SPOCK3: variants seen among roughly 807,000 people sequenced by gnomAD.
SPOCK3 encodes the protein testican-3.
A neutral mutation model predicts 56.6 loss-of-function variants in SPOCK3; 30 were observed. The observed-to-expected ratio is 0.53, with a 90% CI of 0.40 to 0.72. The LOEUF (loss-of-function observed/expected upper bound fraction) is 0.72, where lower values mean the gene tolerates loss of function less well. Ranked by LOEUF, SPOCK3 falls within the 30% of genes least tolerant of loss-of-function variation. The probability of loss-of-function intolerance (pLI) is 0.00; values close to 1 mark genes in which losing one functional copy is unlikely to be tolerated. For missense variants in SPOCK3, 527 were observed against 530.0 expected, an observed-to-expected ratio of 0.99 and a Z score of 0.06; for synonymous variants, 196 against 183.3, an observed-to-expected ratio of 1.07 and a Z score of -0.56.
intron 2 of SPOCK3, among the ~76,000 whole-genome samples, chr4:167,171,257 G>T (rs1730474824): frequency 6.6e-6 from 1 of 151,936 alleles, no homozygotes; most frequent in Non-Finnish European, 1.5e-5. Context: ...GGTGTAGAAT[G>T]TGCACAGGTT....
At chr4:166,791,366 T>C (rs546653119) in intron 7 of SPOCK3, among the ~76,000 whole-genome samples, 1 of 152,294 alleles carries the variant, frequency 6.6e-6, no homozygotes, top group South Asian at 2.1e-4. Context: ...CACATCAGGA[T>C]AGGCGATGAA....
At chr4:166,971,030 A>G (rs1745322934) in intron 4 of SPOCK3, among the ~76,000 whole-genome samples, 1 of 152,098 alleles carries the variant, frequency 6.6e-6, no homozygotes. Context: ...CCTGGCTTTG[A>G]TTTTTTAAAT....
chr4:166,900,856 A>T (rs1225237832), intron 5 of SPOCK3, among the ~76,000 whole-genome samples: 1 of 152,148 alleles, frequency 6.6e-6, no homozygotes, highest in Non-Finnish European at 1.5e-5. Context: ...ATAGAAGGGG[A>T]ACAACAACAG....
intron 2 of SPOCK3, among the ~76,000 whole-genome samples, chr4:167,186,592 A>G (rs1315716793): frequency 1.3e-5 from 2 of 151,996 alleles, no homozygotes; most frequent in African/African-American, 4.8e-5. Flanking sequence ...ATGCCATTGC[A>G]CTCCAGTCTG....
At chr4:167,154,296 A>C (rs1764641693) in intron 2 of SPOCK3, among the ~76,000 whole-genome samples, 1 of 152,066 alleles carries the variant, frequency 6.6e-6, no homozygotes, top group South Asian at 2.1e-4. Context: ...CCTCATCTCC[A>C]AAATTCCCAG....
chr4:166,842,154 T>C (rs1339673927), intron 6 of SPOCK3, among the ~76,000 whole-genome samples: 1 of 152,206 alleles, frequency 6.6e-6, no homozygotes, highest in Non-Finnish European at 1.5e-5. Flanking sequence ...ATAGAGGCAG[T>C]GCGGACCCAA....
chr4:167,105,949 T>G lies in SPOCK3; in HGVS notation c.190-43412A>C, dbSNP rs372440638. On this transcript the variant is annotated intron_variant, in intron 2 of 10. Coordinates refer to ENST00000357545, the MANE Select transcript of SPOCK3 (RefSeq NM_001040159.2). ...CAAGAGGATATAACAATTGTAAATA[T>G]GTAAGCAATCATTACTGGAGCACCC... Among the ~76,000 whole-genome samples the G allele has an allele frequency of 8.5e-5, 13 of 152,128 alleles. 1 individual carries two copies. The highest frequency in any genetic ancestry group is 3.1e-4 in the African/African-American group (13 of 41,558).
At position 167,045,240 on chromosome 4, in the gene SPOCK3, T is replaced by C. The variant is rs569903834; in HGVS notation, c.235+17252A>G. The stretch of plus-strand genomic sequence containing the variant: ...TTATTTTTTATTAGTGTGAGTATGG[T>C]ATATCTTTCTCTATCCATTCACTTT... On this transcript the variant is annotated intron_variant, in intron 3 of 10. Transcript: ENST00000357545. Among the ~76,000 whole-genome samples, 4 of 152,206 alleles carry C rather than the reference T, an allele frequency of 2.6e-5. No individual in the cohort carries two copies. The South Asian group carries it at 6.2e-4, about 24-fold the overall frequency.
intron 3 of SPOCK3, among the ~76,000 whole-genome samples, chr4:167,019,410 A>C (rs1291726475): frequency 6.6e-6 from 1 of 151,956 alleles, no homozygotes; most frequent in Non-Finnish European, 1.5e-5. Context: ...TATGATATAT[A>C]AATATATACA....
chr4:167,021,073 A>G (rs1012266916), intron 3 of SPOCK3, among the ~76,000 whole-genome samples: 1 of 152,110 alleles, frequency 6.6e-6, no homozygotes, highest in Non-Finnish European at 1.5e-5. Context: ...ACCGATTGAT[A>G]AAATATTATT....
chr4:166,958,410 T>C (rs778019579), intron 4 of SPOCK3, among the ~76,000 whole-genome samples: 20 of 152,202 alleles, frequency 1.3e-4, no homozygotes, highest in Non-Finnish European at 2.5e-4. Context: ...ATGCATTTCT[T>C]TGTAGCAACG....
At chr4:167,082,109 G>A (rs1034500987) in intron 2 of SPOCK3, among the ~76,000 whole-genome samples, 5 of 152,156 alleles carry the variant, frequency 3.3e-5, no homozygotes, top group Admixed American at 2.0e-4. Context: ...AAATACTTTG[G>A]TATGAAGAGT....
chr4:166,974,217 C>T (rs1745697975), intron 4 of SPOCK3, among the ~76,000 whole-genome samples: 1 of 152,092 alleles, frequency 6.6e-6, no homozygotes, highest in Non-Finnish European at 1.5e-5. Context: ...ATTTTTACCT[C>T]ATCATGCAAA....
chr4:166,799,367 T>G (rs946034315), intron 6 of SPOCK3, among the ~76,000 whole-genome samples: 1 of 152,264 alleles, frequency 6.6e-6, no homozygotes, highest in South Asian at 2.1e-4. Context: ...CATCACCTTT[T>G]TCATCCAACC....
At chr4:167,033,545 G>A (rs1166973295) in intron 3 of SPOCK3, among the ~76,000 whole-genome samples, 1 of 151,650 alleles carries the variant, frequency 6.6e-6, no homozygotes, top group Non-Finnish European at 1.5e-5. Flanking sequence ...AATTGAATAG[G>A]CAGAAACAAA....
Position 166,786,634 on chromosome 4 carries a change from T to TC in SPOCK3, c.709+5535_709+5536insG, listed in dbSNP as rs1740757526. 5.3e-5 allele frequency among the ~76,000 whole-genome samples: 8 copies of TC among 152,340 alleles called. No homozygotes were observed. In the South Asian group the frequency reaches 1.7e-3, roughly 32 times the overall value. On this transcript the variant is annotated intron_variant, in intron 7 of 10. Transcript: ENST00000357545. ...AATAGGTTAAAGTCTAAAGACTAAC[T>TC]TAAATATAACAAGTAGTCAATTCTT...
At chr4:167,073,143 T>A (rs1159536840) in intron 2 of SPOCK3, among the ~76,000 whole-genome samples, 1 of 151,842 alleles carries the variant, frequency 6.6e-6, no homozygotes, top group South Asian at 2.1e-4. Flanking sequence ...TAATTTTACA[T>A]TTGATATTTA....
chr4:167,119,815 G>A (rs982037217), intron 2 of SPOCK3: 3 of 1,534,390 alleles, frequency 2.0e-6, no homozygotes, highest in African/African-American at 2.7e-5. Context: ...CAGAAGACAT[G>A]TGGATGTGAT....
At chr4:166,996,881 G>A (rs1041788780) in intron 4 of SPOCK3, among the ~76,000 whole-genome samples, 2 of 152,104 alleles carry the variant, frequency 1.3e-5, no homozygotes, top group Non-Finnish European at 2.9e-5. Flanking sequence ...CGCTGAGGAA[G>A]GAGAAATTTA....
Sources: gnomAD v4.1 joint callset for allele counts (sites outside exome capture counted in the v4.1 genomes callset) on GRCh38, gnomAD v4.1.1 for gene constraint, MANE v1.5 for transcripts, NCBI Gene and HGNC (gene_info 2026-07-23, HGNC 2026-07-21) for gene names.